The following MAML2 variants were observed in gnomAD, a reference collection of about 807,000 sequenced individuals.
The protein encoded by MAML2 is mastermind like transcriptional coactivator 2.
A neutral mutation model predicts 96.1 loss-of-function variants in MAML2; 22 were observed. The ratio of observed to expected loss-of-function variants is 0.23; its 90% CI spans 0.16 to 0.33. MAML2 has a LOEUF of 0.33. Ranked by LOEUF, MAML2 falls within the 10% of genes least tolerant of loss-of-function variation. MAML2 has a pLI of 1.00. For synonymous variants in MAML2, 561 were observed against 521.3 expected, an observed-to-expected ratio of 1.08 and a Z score of -1.04; for missense variants, 1,367 against 1,392.4, an observed-to-expected ratio of 0.98 and a Z score of 0.29.
At chr11:96,002,552 TGA>T (rs1339329331) in intron 2 of MAML2, among the ~76,000 whole-genome samples, 1 of 88,796 alleles carries the variant, frequency 1.1e-5, no homozygotes, top group African/African-American at 4.9e-5. Flanking sequence ...ATGATGGGGA[TGA>T]TGAAGATGAT....
At chr11:95,995,802 A>T (rs1161485559) in intron 2 of MAML2, among the ~76,000 whole-genome samples, 1 of 152,050 alleles carries the variant, frequency 6.6e-6, no homozygotes, top group African/African-American at 2.4e-5. Flanking sequence ...CCTCACTTCT[A>T]TCATTTGCCT....
At chr11:96,327,925 A>G (rs1001437630) in intron 1 of MAML2, among the ~76,000 whole-genome samples, 130 of 151,932 alleles carry the variant, frequency 8.6e-4, no homozygotes, top group African/African-American at 3.1e-3. Flanking sequence ...GTGAAACCCC[A>G]TCTCTACTAA....
At chr11:96,263,015 G>A (rs370195066) in intron 1 of MAML2, among the ~76,000 whole-genome samples, 25 of 151,992 alleles carry the variant, frequency 1.6e-4, no homozygotes, top group South Asian at 4.1e-4. Context: ...CTGCTTCCCC[G>A]GGAGTTAAAA....
chr11:96,182,421 T>C (rs1400846752), intron 1 of MAML2, among the ~76,000 whole-genome samples: 3 of 152,170 alleles, frequency 2.0e-5, no homozygotes, highest in Non-Finnish European at 4.4e-5. Context: ...CCTGGTTTCC[T>C]TCCCCACAAA....
chr11:96,260,140 T>C (rs536201108), intron 1 of MAML2, among the ~76,000 whole-genome samples: 1 of 151,870 alleles, frequency 6.6e-6, no homozygotes, highest in Admixed American at 6.6e-5. Flanking sequence ...GGTTGGACTG[T>C]GTGAATGCCT....
chr11:95,988,271 T>C (rs1857859649), intron 3 of MAML2, among the ~76,000 whole-genome samples: 2 of 151,894 alleles, frequency 1.3e-5, no homozygotes, highest in African/African-American at 4.8e-5. Context: ...CTTTTTTTTT[T>C]CTTTTGAGAT....
chr11:96,159,456 A>G (rs1861068622), intron 1 of MAML2, among the ~76,000 whole-genome samples: 1 of 106,376 alleles, frequency 9.4e-6, no homozygotes, highest in South Asian at 3.2e-4. Context: ...TCTGTCACCC[A>G]GGCTGGAGTG....
At chr11:96,193,961 G>A (rs977493528) in intron 1 of MAML2, among the ~76,000 whole-genome samples, 1 of 152,166 alleles carries the variant, frequency 6.6e-6, no homozygotes, top group African/African-American at 2.4e-5. Context: ...GCCCAGAGTG[G>A]AGAGGATCCC....
chr11:96,158,574 A>G (rs933236708), intron 1 of MAML2, among the ~76,000 whole-genome samples: 1 of 152,192 alleles, frequency 6.6e-6, no homozygotes, highest in Non-Finnish European at 1.5e-5. Flanking sequence ...GCCTGGGTGG[A>G]GGCTAGAACT....
At chr11:95,984,747 T>C (rs1857799040) in intron 4 of MAML2, among the ~76,000 whole-genome samples, 1 of 152,220 alleles carries the variant, frequency 6.6e-6, no homozygotes, top group Non-Finnish European at 1.5e-5. Context: ...TCTTTATGGC[T>C]TCCTGGACAG....
chr11:96,043,890 G>C (rs1207402478), intron 2 of MAML2, among the ~76,000 whole-genome samples: 8 of 152,178 alleles, frequency 5.3e-5, no homozygotes. Flanking sequence ...CAAAGAAAGG[G>C]TTCCCTAAGT....
intron 1 of MAML2, among the ~76,000 whole-genome samples, chr11:96,114,745 G>T (rs1860204945): frequency 6.6e-6 from 1 of 152,212 alleles, no homozygotes; most frequent in Admixed American, 6.5e-5. Context: ...AGACTTGAGG[G>T]CCCCACATAG....
chr11:96,150,637 GTC>G (rs1186270427), intron 1 of MAML2, among the ~76,000 whole-genome samples: 1 of 152,118 alleles, frequency 6.6e-6, no homozygotes, highest in Non-Finnish European at 1.5e-5. Context: ...CAGCTTTGGG[GTC>G]TTAGAGTCAT....
In MAML2 at chr11:96,342,896, G is replaced by A; in HGVS notation, c.-1001C>T. The A allele has an allele frequency of 2.7e-6, 1 of 366,640 alleles. No individual in the cohort carries two copies. Among genetic ancestry groups the A allele is most frequent in the Non-Finnish European group, 4.8e-6 (1 of 206,318 alleles). The allele number at this position is 366,640 out of a possible 1,614,324, so 22.7% of individuals were successfully genotyped here. A position where few individuals can be genotyped will look rare whatever the true frequency, so the allele number is the denominator to read the frequency against. On this transcript the variant is annotated 5_prime_UTR_variant, in exon 1 of 5. Coordinates refer to ENST00000524717, the MANE Select transcript of MAML2 (RefSeq NM_032427.4). ...CTTCCGAGAGTAATTTACAAACGATGGTCAAACTTACAAACTTCCAGCAAA... is the reference window on the plus strand; with the variant it reads ...CTTCCGAGAGTAATTTACAAACGATAGTCAAACTTACAAACTTCCAGCAAA...
chr11:96,076,737 GA>G (rs1410355918), intron 2 of MAML2, among the ~76,000 whole-genome samples: 1 of 152,286 alleles, frequency 6.6e-6, no homozygotes. Flanking sequence ...AGACAGTTGG[GA>G]ACGTCTTGCT....
At position 96,326,387 on chromosome 11, in the gene MAML2, G is replaced by T. The variant is rs7123675; in HGVS notation, c.513+14996C>A. 5.4e-3 allele frequency among the ~76,000 whole-genome samples: 759 copies of T among 140,508 alleles called. 10 individuals carry two copies. Among genetic ancestry groups the T allele is most frequent in the African/African-American group, 0.022 (736 of 34,206 alleles). The allele number at this position is 140,508 out of a possible 152,430, so 92.2% of individuals were successfully genotyped here. ...TGTGTGTGTGTGTGTGTGTGTGTGT[G>T]CATGTATGTGTGTGTGTGTGTTTTA... On this transcript the variant is annotated intron_variant, in intron 1 of 4. Transcript: ENST00000524717.
chr11:96,056,181 C>A (rs1859064147), intron 2 of MAML2, among the ~76,000 whole-genome samples: 1 of 152,174 alleles, frequency 6.6e-6, no homozygotes, highest in Admixed American at 6.5e-5. Flanking sequence ...TTTGTTCTAA[C>A]AGGGCATCCC....
intron 1 of MAML2, among the ~76,000 whole-genome samples, chr11:96,136,391 TA>T (rs1408834071): frequency 6.6e-6 from 1 of 151,228 alleles, no homozygotes; most frequent in Non-Finnish European, 1.5e-5. Flanking sequence ...ATTAAATATT[TA>T]AAGATGTTGT....
intron 1 of MAML2, among the ~76,000 whole-genome samples, chr11:96,213,973 G>A (rs1006429511): frequency 2.0e-5 from 3 of 152,120 alleles, no homozygotes; most frequent in Non-Finnish European, 4.4e-5. Context: ...AGACAGAATG[G>A]ATCAGGTTAA....
Sources: gnomAD v4.1 joint callset for allele counts (sites outside exome capture counted in the v4.1 genomes callset) on GRCh38, gnomAD v4.1.1 for gene constraint, MANE v1.5 for transcripts, NCBI Gene and HGNC (gene_info 2026-07-23, HGNC 2026-07-21) for gene names.